LINGO2: variants seen among roughly 807,000 people sequenced by gnomAD.
LINGO2 encodes leucine rich repeat and Ig domain containing 2.
A neutral mutation model predicts 30.6 loss-of-function variants in LINGO2; 14 were observed. The ratio of observed to expected loss-of-function variants is 0.46; its 90% CI spans 0.30 to 0.72. LINGO2 has a LOEUF of 0.72. Among genes scored for constraint, LINGO2 ranks in the 30% least tolerant of loss-of-function variants. The probability of loss-of-function intolerance (pLI) is 0.07; values close to 1 mark genes in which losing one functional copy is unlikely to be tolerated. For missense variants in LINGO2, 729 were observed against 751.7 expected (o/e 0.97, Z 0.35); for synonymous variants, 317 against 288.5 (o/e 1.10, Z -1.00).
chr9:29,119,729 G>A, the LINGO2 span, among the ~76,000 whole-genome samples: 70,201 of 151,110 alleles, frequency 0.46, 16,820 homozygotes, highest in Non-Finnish European at 0.53. Flanking sequence ...AGGATTACAG[G>A]TACTCTACCT....
intron 3 of LINGO2, among the ~76,000 whole-genome samples, chr9:28,312,163 T>TTTTTTTA: frequency 6.6e-6 from 1 of 151,404 alleles, no homozygotes; most frequent in East Asian, 1.9e-4. Flanking sequence ...TTCTTTTTTT[T>TTTTTTTA]GTATCCAGAT....
At chr9:28,651,062 G>A (rs936677543) in intron 1 of LINGO2, among the ~76,000 whole-genome samples, 1 of 151,274 alleles carries the variant, frequency 6.6e-6, no homozygotes, top group African/African-American at 2.4e-5. Context: ...ATGGTGGTGG[G>A]CACCTGTAAT....
the LINGO2 span, among the ~76,000 whole-genome samples, chr9:29,057,509 C>G: frequency 3.4e-4 from 51 of 152,232 alleles, no homozygotes; most frequent in East Asian, 8.1e-3. Flanking sequence ...CCTTAACTTT[C>G]TTCCTGGTGT....
At chr9:28,726,730 C>A in the LINGO2 span, among the ~76,000 whole-genome samples, 2 of 152,046 alleles carry the variant, frequency 1.3e-5, no homozygotes, top group African/African-American at 4.8e-5. Context: ...TCAAAAGAGT[C>A]AAAAGACAAT....
At chr9:28,878,708 C>A in the LINGO2 span, among the ~76,000 whole-genome samples, 2 of 152,104 alleles carry the variant, frequency 1.3e-5, no homozygotes, top group Non-Finnish European at 2.9e-5. Flanking sequence ...AAATGTAATC[C>A]AGCATATAAA....
At position 28,040,424 on chromosome 9, in the gene LINGO2, GTTTTTTTT is replaced by G. The variant is rs762768949; in HGVS notation, c.-86-28027_-86-28020del. ...TGGTTGTTCAAAAAGACAGCTTGAA[GTTTTTTTT>G]TTTTTTTTTTTTGGACAGGGATTCA... is the stretch of plus-strand genomic sequence containing the variant. On this transcript the variant is annotated intron_variant, in intron 4 of 5. Transcript: ENST00000379992. 2.6e-4 allele frequency among the ~76,000 whole-genome samples: 32 copies of G among 124,318 alleles called. 1 individual carries two copies. Among genetic ancestry groups the G allele is most frequent in the African/African-American group, 8.5e-4 (29 of 34,026 alleles). 81.6% of individuals were successfully genotyped at this position (124,318 alleles called of 152,430 possible).
chr9:28,363,689 GA>G (rs374625562), intron 3 of LINGO2, among the ~76,000 whole-genome samples: 47 of 146,292 alleles, frequency 3.2e-4, no homozygotes, highest in African/African-American at 9.3e-4. Flanking sequence ...ATGTTCACTT[GA>G]AAAAAAAAAC....
At chr9:28,287,653 G>T (rs1198171609) in intron 4 of LINGO2, among the ~76,000 whole-genome samples, 4 of 152,100 alleles carry the variant, frequency 2.6e-5, no homozygotes, top group African/African-American at 9.7e-5. Flanking sequence ...ATGAAGGGAA[G>T]GATAAAGCCA....
At chr9:28,117,339 C>T (rs1462920917) in intron 4 of LINGO2, among the ~76,000 whole-genome samples, 4 of 142,404 alleles carry the variant, frequency 2.8e-5, no homozygotes, top group African/African-American at 1.0e-4. Context: ...ACATTTAAGT[C>T]TGCAGAGGTT....
chr9:28,145,820 A>C (rs571924392), intron 4 of LINGO2, among the ~76,000 whole-genome samples: 2 of 152,286 alleles, frequency 1.3e-5, no homozygotes, highest in East Asian at 3.9e-4. Flanking sequence ...GCTTCAGCAA[A>C]AGTGGCAGAA....
intron 1 of LINGO2, among the ~76,000 whole-genome samples, chr9:28,634,363 T>C (rs1296771883): frequency 6.6e-6 from 1 of 152,116 alleles, no homozygotes; most frequent in Admixed American, 6.6e-5. Flanking sequence ...ACAATCTCTT[T>C]TATGTTTATT....
the LINGO2 span, among the ~76,000 whole-genome samples, chr9:28,716,074 G>T: frequency 6.6e-6 from 1 of 151,442 alleles, no homozygotes; most frequent in Non-Finnish European, 1.5e-5. Context: ...ATGAGTCTGG[G>T]AGCTCGAAAT....
rs772749847 is a variant in LINGO2, at chr9:27,949,816, T to C, written c.856A>G (p.Ser286Gly). The change falls in exon 6 of 6, where the codon AGC becomes GGC. Residue 286 changes from serine (S) to glycine (G), a missense_variant. By Grantham distance (56) the Ser-to-Gly change is moderately conservative. Coordinates refer to ENST00000379992, the Ensembl canonical transcript of LINGO2. Reference sequence around the variant, plus strand: ...GAGAACATGCCTGCTTCAATAGTGCTGATGGGATTGTAGGAGAGGTTAAGG... The same window carrying C: ...GAGAACATGCCTGCTTCAATAGTGCCGATGGGATTGTAGGAGAGGTTAAGG... 6.2e-6 allele frequency: 10 copies of C among 1,613,976 alleles called. No individual in the cohort carries two copies. Among genetic ancestry groups the C allele is most frequent in the South Asian group, 1.1e-5 (1 of 91,078 alleles).
intron 1 of LINGO2, among the ~76,000 whole-genome samples, chr9:28,629,587 A>G (rs894247413): frequency 2.0e-5 from 3 of 152,090 alleles, no homozygotes; most frequent in Non-Finnish European, 4.4e-5. Context: ...AAAATGAGAA[A>G]TTAAATTCTA....
At chr9:28,274,747 C>T (rs541306252) in intron 4 of LINGO2, among the ~76,000 whole-genome samples, 1 of 152,272 alleles carries the variant, frequency 6.6e-6, no homozygotes, top group East Asian at 1.9e-4. Context: ...CTTTTACCAA[C>T]ACCCCACACG....
chr9:28,228,769 A>AAAT (rs1304258394), intron 4 of LINGO2, among the ~76,000 whole-genome samples: 2 of 151,698 alleles, frequency 1.3e-5, no homozygotes, highest in Non-Finnish European at 3.0e-5. Context: ...TCTTAAAACA[A>AAAT]AATAATACTT....
intron 4 of LINGO2, among the ~76,000 whole-genome samples, chr9:28,104,219 G>C (rs1442556077): frequency 1.4e-5 from 2 of 143,082 alleles, no homozygotes; most frequent in African/African-American, 5.0e-5. Context: ...TGTATGAGAA[G>C]AGTAAGGAGT....
intron 4 of LINGO2, among the ~76,000 whole-genome samples, chr9:28,096,677 G>C (rs1426563366): frequency 2.9e-5 from 4 of 140,030 alleles, no homozygotes; most frequent in Admixed American, 7.3e-5. Flanking sequence ...TCAGGCACTG[G>C]GCTAGGTCCT....
the LINGO2 span, among the ~76,000 whole-genome samples, chr9:28,769,516 ATATTTTTTTTTTTTTTTTT>A: frequency 0.021 from 40 of 1,916 alleles, 3 homozygotes; most frequent in South Asian, 0.033. Context: ...ATATATATAT[ATATTTTTTTTTTTTTTTTT>A]TTTTTTTTTT....
Sources: allele counts gnomAD v4.1 joint callset (sites outside exome capture counted in the v4.1 genomes callset), GRCh38; gene constraint gnomAD v4.1.1; transcripts MANE v1.5; gene names NCBI Gene and HGNC (gene_info 2026-07-23, HGNC 2026-07-21).